RNF157: variants seen among roughly 807,000 people sequenced by gnomAD.
RNF157 encodes the protein E3 ubiquitin ligase RNF157.
RNF157 carries 55 observed loss-of-function variants against 88.3 expected under a neutral mutation model. That is an observed-to-expected ratio of 0.62 (90% CI 0.50 to 0.78). The LOEUF (loss-of-function observed/expected upper bound fraction) is 0.78, where lower values mean the gene tolerates loss of function less well. Among genes scored for constraint, RNF157 ranks in the 30% least tolerant of loss-of-function variants. The pLI, the probability that RNF157 is intolerant of heterozygous loss-of-function variation, is 0.00. For missense variants in RNF157, 788 were observed against 860.8 expected (o/e 0.92, Z 1.06); for synonymous variants, 334 against 341.2 (o/e 0.98, Z 0.23).
intron 2 of RNF157, among the ~76,000 whole-genome samples, chr17:76,191,673 C>T (rs774258221): frequency 6.6e-6 from 1 of 150,928 alleles, no homozygotes; most frequent in Non-Finnish European, 1.5e-5. Context: ...CCTAGGAAGG[C>T]TGACGTGGGA....
chr17:76,222,035 T>C (rs1157348270), intron 1 of RNF157, among the ~76,000 whole-genome samples: 1 of 152,154 alleles, frequency 6.6e-6, no homozygotes, highest in African/African-American at 2.4e-5. Context: ...GGGGACAAAC[T>C]GCTTAATTGG....
At chr17:76,225,738 G>A in intron 1 of RNF157, 1 of 1,518,852 alleles carries the variant, frequency 6.6e-7, no homozygotes, top group Non-Finnish European at 8.8e-7. Context: ...TGACACTCCT[G>A]ACCTACCCTC....
At chr17:76,197,060 C>T (rs1453716019) in intron 2 of RNF157, among the ~76,000 whole-genome samples, 5 of 152,094 alleles carry the variant, frequency 3.3e-5, no homozygotes, top group Admixed American at 3.3e-4. Context: ...CAACCTAAAC[C>T]GGTTGATATC....
chr17:76,174,997 CA>C (rs1295263504), intron 2 of RNF157, among the ~76,000 whole-genome samples: 1 of 152,100 alleles, frequency 6.6e-6, no homozygotes, highest in Non-Finnish European at 1.5e-5. Flanking sequence ...TTGAAAAACA[CA>C]AAAAAGTACA....
chr17:76,166,072 T>C (rs921565630), intron 6 of RNF157, among the ~76,000 whole-genome samples: 1 of 152,136 alleles, frequency 6.6e-6, no homozygotes, highest in African/African-American at 2.4e-5. Flanking sequence ...CCTCCCAGGT[T>C]CAAACGATTC....
Position 76,148,254 on chromosome 17 carries a change from T to A in RNF157, c.1922-2901A>T, listed in dbSNP as rs146450711. 2.3e-3 allele frequency among the ~76,000 whole-genome samples: 341 copies of A among 150,130 alleles called. 3 individuals carry two copies. The East Asian group carries it at 0.03, about 13-fold the overall frequency. ...ATTTCCACTAAAAAGATCCAAATTATCTTTGCCTTTTTTTTTTTTTTTTTT... is the reference window on the plus strand; with the variant it reads ...ATTTCCACTAAAAAGATCCAAATTAACTTTGCCTTTTTTTTTTTTTTTTTT... On this transcript the variant is annotated intron_variant, in intron 18 of 18. Coordinates refer to ENST00000269391, the MANE Select transcript of RNF157 (RefSeq NM_052916.3).
At chr17:76,150,902 G>A (rs992404685) in intron 18 of RNF157, among the ~76,000 whole-genome samples, 11 of 152,232 alleles carry the variant, frequency 7.2e-5, no homozygotes, top group Admixed American at 5.9e-4. Context: ...GTGCTGGCAC[G>A]GAGTGAACAC....
At chr17:76,210,012 C>A (rs1319226748) in intron 2 of RNF157, among the ~76,000 whole-genome samples, 1 of 152,068 alleles carries the variant, frequency 6.6e-6, no homozygotes, top group Non-Finnish European at 1.5e-5. Flanking sequence ...CCCGCCTCGG[C>A]CTCCCAGAGT....
chr17:76,202,128 TCACACACACACACACACACACACACA>T (rs60491535), intron 2 of RNF157, among the ~76,000 whole-genome samples: 3 of 134,602 alleles, frequency 2.2e-5, no homozygotes, highest in Non-Finnish European at 3.1e-5. Flanking sequence ...TCTCTCTCTC[TCACACACACACACACACACACACACA>T]CACACACACA....
At chr17:76,162,136 G>C in intron 9 of RNF157, 134 bp from the exon 10 acceptor site, 1 of 902,224 alleles carries the variant, frequency 1.1e-6, no homozygotes, top group Non-Finnish European at 1.7e-6. Context: ...ATTGGACTTT[G>C]TCATTTTCCC....
At chr17:76,230,505 T>C (rs1417561376) in intron 1 of RNF157, among the ~76,000 whole-genome samples, 1 of 152,172 alleles carries the variant, frequency 6.6e-6, no homozygotes, top group Non-Finnish European at 1.5e-5. Context: ...ACCAAATCTC[T>C]CTGCTTCCAG....
chr17:76,205,322 C>T (rs186031389), intron 2 of RNF157, among the ~76,000 whole-genome samples: 8 of 151,116 alleles, frequency 5.3e-5, no homozygotes, highest in African/African-American at 1.5e-4. Context: ...TTTGTAGAGT[C>T]GGGGTTTTGC....
At position 76,226,766 on chromosome 17, in the gene RNF157, C is replaced by T; in HGVS notation, c.88+13387G>A. The T allele has an allele frequency of 2.5e-6, 4 of 1,579,402 alleles. No individual in the cohort carries two copies. The South Asian group carries it at 4.6e-5, about 18-fold the overall frequency. On this transcript the variant is annotated intron_variant, in intron 1 of 18. Transcript: ENST00000269391. ...CTGGTCGAAGGGGGACATCAAGTCC[C>T]CCACCAACACCTCGTTGCTCAGGAA... is the stretch of plus-strand genomic sequence containing the variant.
chr17:76,239,715 T>C (rs2070344281), intron 1 of RNF157, among the ~76,000 whole-genome samples: 1 of 152,164 alleles, frequency 6.6e-6, no homozygotes, highest in South Asian at 2.1e-4. Context: ...AAGTGCCTGT[T>C]TGGATGCCGA....
In RNF157 at chr17:76,143,245, C is replaced by T. The variant is rs548994084; in HGVS notation, c.*1990G>A. ...TTCTCCCTAGGAGAGGACTAAGCACCTGCTGCGAGGAAGGACAGGGATCCT... is the reference window on the plus strand; with the variant it reads ...TTCTCCCTAGGAGAGGACTAAGCACTTGCTGCGAGGAAGGACAGGGATCCT... On this transcript the variant is annotated 3_prime_UTR_variant, in exon 19 of 19. Coordinates refer to ENST00000269391, the MANE Select transcript of RNF157 (RefSeq NM_052916.3). 1 of 152,340 alleles carries T rather than the reference C, an allele frequency of 6.6e-6. No homozygotes were observed. The highest frequency in any genetic ancestry group is 1.9e-4 in the East Asian group (1 of 5,188). 9.4% of individuals were successfully genotyped at this position (152,340 alleles called of 1,614,324 possible). A position where few individuals can be genotyped will look rare whatever the true frequency, so the allele number is the denominator to read the frequency against.
rs899322869 is a variant in RNF157, at chr17:76,176,417, TA to T, written c.208-2628del. On this transcript the variant is annotated intron_variant, in intron 2 of 18. Transcript: ENST00000269391. This position sits in a 1 kb window ranked among gnomAD's most constrained non-coding sequence, Gnocchi z 4.2. ...GGGGACAGTAGGATCAGAGGCAAATTAAAAAAAATTTTTTTTCTGCTCTTAG... is the reference window on the plus strand; with the variant it reads ...GGGGACAGTAGGATCAGAGGCAAATTAAAAAAATTTTTTTTCTGCTCTTAG... Among the ~76,000 whole-genome samples the T allele has an allele frequency of 1.3e-5, 2 of 152,214 alleles. No individual in the cohort carries two copies. Among genetic ancestry groups the T allele is most frequent in the East Asian group, 1.9e-4 (1 of 5,184 alleles).
chr17:76,223,665 T>G (rs2070028072), intron 1 of RNF157, among the ~76,000 whole-genome samples: 1 of 152,230 alleles, frequency 6.6e-6, no homozygotes, highest in South Asian at 2.1e-4. Context: ...ACATTTTGTT[T>G]TCCACATAAA....
chr17:76,210,447 G>A (rs987443157), intron 2 of RNF157, among the ~76,000 whole-genome samples: 10 of 151,364 alleles, frequency 6.6e-5, no homozygotes, highest in African/African-American at 9.7e-5. Flanking sequence ...AAAATTAGCC[G>A]GGTGTAGTGG....
Position 76,144,924 on chromosome 17 carries a change from G to GA in RNF157, c.*310dup. On this transcript the variant is annotated 3_prime_UTR_variant, in exon 19 of 19. Coordinates refer to ENST00000269391, the MANE Select transcript of RNF157 (RefSeq NM_052916.3). The stretch of plus-strand genomic sequence containing the variant: ...GCCTTCTTGTTCTACCCCCTAAGGA[G>GA]AAAAAAGATGTGTAAGAAATTAGCC... 1 of 272,820 alleles carries GA rather than the reference G, an allele frequency of 3.7e-6. No homozygotes were observed. The highest frequency in any genetic ancestry group is 6.9e-6 in the Non-Finnish European group (1 of 145,332). 16.9% of individuals were successfully genotyped at this position (272,820 alleles called of 1,614,324 possible). A position where few individuals can be genotyped will look rare whatever the true frequency, so the allele number is the denominator to read the frequency against.
Sources: gnomAD v4.1 joint callset for allele counts (sites outside exome capture counted in the v4.1 genomes callset) on GRCh38, gnomAD v4.1.1 for gene constraint, Gnocchi (gnomAD v3.1) non-coding constraint, MANE v1.5 for transcripts, NCBI Gene and HGNC (gene_info 2026-07-23, HGNC 2026-07-21) for gene names.